The following GPC5 variants were observed in gnomAD, a reference collection of about 807,000 sequenced individuals.
The protein encoded by GPC5 is glypican-5.
Under a neutral mutation model 53.9 loss-of-function variants are expected in GPC5, and 47 were observed. The ratio of observed to expected loss-of-function variants is 0.87; its 90% confidence interval spans 0.69 to 1.11. The LOEUF (loss-of-function observed/expected upper bound fraction) is 1.11. GPC5 is among the 50% of genes most tolerant of loss of function. The pLI, the probability that GPC5 is intolerant of heterozygous loss-of-function variation, is 0.00. For synonymous variants in GPC5, 286 were observed against 263.3 expected, an observed-to-expected ratio of 1.09 and a Z score of -0.84; for missense variants, 748 against 713.1, an observed-to-expected ratio of 1.05 and a Z score of -0.56.
intron 7 of GPC5, among the ~76,000 whole-genome samples, chr13:92,358,903 G>A (rs568390523): frequency 6.6e-6 from 1 of 151,626 alleles, no homozygotes; most frequent in East Asian, 1.9e-4. Context: ...TGATTTCAAG[G>A]CATTTTTTTT....
At chr13:92,372,263 C>G (rs181813453) in intron 7 of GPC5, among the ~76,000 whole-genome samples, 1 of 152,262 alleles carries the variant, frequency 6.6e-6, no homozygotes, top group East Asian at 1.9e-4. Flanking sequence ...CAGTAGAATA[C>G]TGTTACAGTG....
intron 6 of GPC5, among the ~76,000 whole-genome samples, chr13:92,032,966 T>A (rs1334225871): frequency 6.6e-6 from 1 of 151,930 alleles, no homozygotes; most frequent in Non-Finnish European, 1.5e-5. Flanking sequence ...AAATTATGCT[T>A]AGCGCTATCT....
At chr13:91,575,569 T>G (rs1224517321) in intron 2 of GPC5, among the ~76,000 whole-genome samples, 4 of 152,162 alleles carry the variant, frequency 2.6e-5, no homozygotes, top group African/African-American at 9.6e-5. Context: ...CTATTTTATA[T>G]GCATGTTAAA....
At chr13:92,418,170 T>C (rs1876399023) in intron 7 of GPC5, among the ~76,000 whole-genome samples, 1 of 152,150 alleles carries the variant, frequency 6.6e-6, no homozygotes, top group Non-Finnish European at 1.5e-5. Flanking sequence ...GTGGGAAAGA[T>C]AATGAGTGAC....
chr13:92,518,418 C>G (rs1192008901), intron 7 of GPC5, among the ~76,000 whole-genome samples: 18 of 152,322 alleles, frequency 1.2e-4, no homozygotes, highest in African/African-American at 4.1e-4. Flanking sequence ...ATCAGACTAA[C>G]AGCAGATCTC....
chr13:92,066,686 A>G (rs1016437092), intron 6 of GPC5, among the ~76,000 whole-genome samples: 4 of 152,130 alleles, frequency 2.6e-5, no homozygotes, highest in African/African-American at 9.6e-5. Context: ...TTGCAGACAT[A>G]TCAAAGGGTA....
intron 5 of GPC5, among the ~76,000 whole-genome samples, chr13:91,805,433 A>G (rs552998967): frequency 6.6e-6 from 1 of 151,972 alleles, no homozygotes; most frequent in Non-Finnish European, 1.5e-5. Flanking sequence ...TTTTGCTGCT[A>G]TTAAGATACC....
At position 91,943,963 on chromosome 13, in the gene GPC5, T is replaced by C. The variant is rs1043102594; in HGVS notation, c.1401+35906T>C. ...TTCATGTTGATTACAACTCAAAATATGAAAACTACCTAATGGTTCCCCACA... is the reference window on the plus strand; with the variant it reads ...TTCATGTTGATTACAACTCAAAATACGAAAACTACCTAATGGTTCCCCACA... On this transcript the variant is annotated intron_variant, in intron 6 of 7. Transcript: ENST00000377067. Among the ~76,000 whole-genome samples, 9 of 152,196 alleles carry C rather than the reference T, an allele frequency of 5.9e-5. No individual in the cohort carries two copies. In the East Asian group the frequency reaches 1.7e-3, roughly 29 times the overall value.
At chr13:92,455,636 T>A (rs760430314) in intron 7 of GPC5, among the ~76,000 whole-genome samples, 8 of 152,218 alleles carry the variant, frequency 5.3e-5, no homozygotes, top group Non-Finnish European at 1.0e-4. Flanking sequence ...AATGCTATTA[T>A]GACAGCCCAA....
intron 2 of GPC5, among the ~76,000 whole-genome samples, chr13:91,570,636 C>T (rs994052095): frequency 1.3e-5 from 2 of 152,088 alleles, no homozygotes; most frequent in Non-Finnish European, 2.9e-5. Context: ...TACCCAAATT[C>T]CTTTAGTTAG....
intron 7 of GPC5, among the ~76,000 whole-genome samples, chr13:92,386,241 A>C (rs565032387): frequency 6.6e-6 from 1 of 152,142 alleles, no homozygotes; most frequent in Non-Finnish European, 1.5e-5. Flanking sequence ...GCTGTTCTTA[A>C]AGTATAATAT....
rs567296860 is a variant in GPC5, at chr13:92,237,339, C to T, written c.1561+92350C>T. 6.6e-5 allele frequency among the ~76,000 whole-genome samples: 10 copies of T among 152,216 alleles called. No individual in the cohort carries two copies. The South Asian group carries it at 1.9e-3, about 28-fold the overall frequency. ...AGTTCAAGTGATCCTCTTGCCTCAA[C>T]CTCCTGAGTAGCTGGGACTACAGGC... On this transcript the variant is annotated intron_variant, in intron 7 of 7. Transcript: ENST00000377067.
intron 7 of GPC5, among the ~76,000 whole-genome samples, chr13:92,233,393 T>G (rs1378748860): frequency 6.6e-6 from 1 of 152,196 alleles, no homozygotes; most frequent in Non-Finnish European, 1.5e-5. Context: ...AAACACTAGG[T>G]CATCGGATGG....
intron 6 of GPC5, among the ~76,000 whole-genome samples, chr13:92,080,936 C>T (rs1391297760): frequency 6.6e-6 from 1 of 152,172 alleles, no homozygotes; most frequent in Admixed American, 6.5e-5. Flanking sequence ...TTGAGCACAA[C>T]TTATCTTTGC....
intron 7 of GPC5, among the ~76,000 whole-genome samples, chr13:92,795,532 A>G (rs1876641769): frequency 6.6e-6 from 1 of 152,224 alleles, no homozygotes; most frequent in African/African-American, 2.4e-5. Context: ...AAATAGACTA[A>G]TGGGATCTAA....
intron 7 of GPC5, among the ~76,000 whole-genome samples, chr13:92,634,414 T>A (rs930344451): frequency 6.6e-6 from 1 of 152,102 alleles, no homozygotes; most frequent in Admixed American, 6.5e-5. Flanking sequence ...GGTGATATTC[T>A]TTTTATTTAT....
chr13:92,681,273 A>T (rs949937164), intron 7 of GPC5, among the ~76,000 whole-genome samples: 1 of 152,144 alleles, frequency 6.6e-6, no homozygotes, highest in African/African-American at 2.4e-5. Flanking sequence ...CTCAATAAAC[A>T]GTTGTAGTAT....
chr13:91,626,739 A>C (rs2139397087), intron 2 of GPC5, among the ~76,000 whole-genome samples: 1 of 152,180 alleles, frequency 6.6e-6, no homozygotes. Context: ...TTACATATGT[A>C]AACATGTGAC....
Position 92,399,256 on chromosome 13 carries a change from T to C in GPC5, c.1561+254267T>C, listed in dbSNP as rs926789466. On this transcript the variant is annotated intron_variant, in intron 7 of 7. Coordinates refer to ENST00000377067, the MANE Select transcript of GPC5 (RefSeq NM_004466.6). Reference sequence around the variant, plus strand: ...TACCTACTCTAAAACTCACATAATTTAGATAAAATATAGACCCTTAAAATA... The same window carrying C: ...TACCTACTCTAAAACTCACATAATTCAGATAAAATATAGACCCTTAAAATA... 5.3e-5 allele frequency among the ~76,000 whole-genome samples: 8 copies of C among 152,162 alleles called. 1 individual carries two copies. The highest frequency in any genetic ancestry group is 1.2e-4 in the Non-Finnish European group (8 of 68,024).
Sources: gnomAD v4.1 joint callset for allele counts (sites outside exome capture counted in the v4.1 genomes callset) on GRCh38, gnomAD v4.1.1 for gene constraint, MANE v1.5 for transcripts, NCBI Gene and HGNC (gene_info 2026-07-23, HGNC 2026-07-21) for gene names.